CAMTA1: variants seen among roughly 807,000 people sequenced by gnomAD.
CAMTA1 encodes calmodulin binding transcription activator 1.
Under a neutral mutation model 170.9 loss-of-function variants are expected in CAMTA1, and 27 were observed. The observed-to-expected ratio is 0.16, with a 90% CI of 0.12 to 0.22. CAMTA1 has a LOEUF of 0.22. Ranked by LOEUF, CAMTA1 falls within the 10% of genes least tolerant of loss-of-function variation. The probability of loss-of-function intolerance (pLI) is 1.00; values close to 1 mark genes in which losing one functional copy is unlikely to be tolerated. For synonymous variants in CAMTA1, 833 were observed against 891.5 expected, an observed-to-expected ratio of 0.93 and a Z score of 1.17; for missense variants, 1,619 against 2,217.2, an observed-to-expected ratio of 0.73 and a Z score of 5.42.
At position 7,477,194 on chromosome 1, in the gene CAMTA1, C is replaced by T. The variant is rs958243063; in HGVS notation, c.510+9293C>T. On this transcript the variant is annotated intron_variant, in intron 6 of 22. Coordinates refer to ENST00000303635, the MANE Select transcript of CAMTA1 (RefSeq NM_015215.4). The stretch of plus-strand genomic sequence containing the variant: ...GCGGGCCAGGGATAGAAACCCAGCC[C>T]TGGTCTTAGAAGCCGCCTCGAAAGC... 2.6e-5 allele frequency among the ~76,000 whole-genome samples: 4 copies of T among 152,148 alleles called. 1 individual carries two copies. Among genetic ancestry groups the T allele is most frequent in the Admixed American group, 2.0e-4 (3 of 15,282 alleles).
chr1:7,049,116 C>T (rs1333613961), intron 3 of CAMTA1, among the ~76,000 whole-genome samples: 2 of 152,198 alleles, frequency 1.3e-5, no homozygotes, highest in Non-Finnish European at 2.9e-5. Context: ...AGCCATTCTC[C>T]GGACTGCGAG....
intron 4 of CAMTA1, among the ~76,000 whole-genome samples, chr1:7,159,721 T>A (rs12094021): frequency 0.33 from 50,006 of 151,668 alleles, 8,670 homozygotes; most frequent in African/African-American, 0.44. Flanking sequence ...TTAAAAAAAA[T>A]TTTTTTTGTA....
intron 11 of CAMTA1, among the ~76,000 whole-genome samples, chr1:7,724,818 CAAAAAAAAAA>C (rs960235639): frequency 1.2e-5 from 1 of 85,332 alleles, no homozygotes; most frequent in African/African-American, 4.5e-5. Context: ...GCGAGACTCT[CAAAAAAAAAA>C]AAAAAAAAAG....
At chr1:6,940,929 A>AGGGGATCCTCGGG (rs1491340105) in intron 3 of CAMTA1, among the ~76,000 whole-genome samples, 2 of 7,336 alleles carry the variant, frequency 2.7e-4, no homozygotes, top group Non-Finnish European at 6.4e-4. Flanking sequence ...CCTCACAGGG[A>AGGGGATCCTCGGG]AAGGGGATCC....
chr1:7,684,579 T>C (rs1249702008), intron 11 of CAMTA1, among the ~76,000 whole-genome samples: 4 of 152,176 alleles, frequency 2.6e-5, no homozygotes, highest in Non-Finnish European at 5.9e-5. Context: ...AGAACCCCAG[T>C]CTCTGCCTGC....
chr1:7,628,855 G>T (rs919745138), intron 6 of CAMTA1, among the ~76,000 whole-genome samples: 1 of 152,228 alleles, frequency 6.6e-6, no homozygotes, highest in Non-Finnish European at 1.5e-5. Flanking sequence ...GGCTGGTGAG[G>T]AGGCCATGTG....
At chr1:7,148,434 G>A (rs34421477) in intron 4 of CAMTA1, among the ~76,000 whole-genome samples, 94,741 of 147,532 alleles carry the variant, frequency 0.64, 29,758 homozygotes, top group Middle Eastern at 0.78. Flanking sequence ...CTCCCCCCCC[G>A]CCACGCTCCC....
intron 6 of CAMTA1, among the ~76,000 whole-genome samples, chr1:7,489,428 T>C (rs17030993): frequency 0.13 from 19,818 of 152,166 alleles, 1,455 homozygotes; most frequent in African/African-American, 0.18. Flanking sequence ...AGAAGATGTG[T>C]GCCATTGGCA....
intron 1 of CAMTA1, among the ~76,000 whole-genome samples, chr1:6,801,252 T>C (rs1054926676): frequency 1.1e-4 from 16 of 152,176 alleles, no homozygotes; most frequent in Admixed American, 2.0e-4. Context: ...TGTATGAGTG[T>C]TTTCTGATGC....
chr1:7,138,364 G>A (rs1645665030), intron 4 of CAMTA1, among the ~76,000 whole-genome samples: 1 of 152,144 alleles, frequency 6.6e-6, no homozygotes, highest in Non-Finnish European at 1.5e-5. Context: ...CCACAGTGTA[G>A]CATTGGCATT....
chr1:7,734,604 T>C (rs1225423966), intron 12 of CAMTA1, among the ~76,000 whole-genome samples: 1 of 152,190 alleles, frequency 6.6e-6, no homozygotes, highest in African/African-American at 2.4e-5. Flanking sequence ...GAATGTGTCT[T>C]GTGTGTGTAG....
chr1:7,290,561 T>G (rs1345784868), intron 5 of CAMTA1, among the ~76,000 whole-genome samples: 1 of 152,176 alleles, frequency 6.6e-6, no homozygotes, highest in Non-Finnish European at 1.5e-5. Context: ...TTCCAAATTA[T>G]GTGTTGCAAC....
At chr1:7,377,464 G>C (rs1254617100) in intron 5 of CAMTA1, among the ~76,000 whole-genome samples, 1 of 152,186 alleles carries the variant, frequency 6.6e-6, no homozygotes, top group Non-Finnish European at 1.5e-5. Context: ...TCAGGCCCCA[G>C]ATATTCTCCA....
chr1:7,155,394 G>GA (rs56357953), intron 4 of CAMTA1, among the ~76,000 whole-genome samples: 1 of 151,824 alleles, frequency 6.6e-6, no homozygotes, highest in African/African-American at 2.4e-5. Context: ...CGTTGGGGGG[G>GA]GGATTGGGCA....
chr1:7,747,512 AGTT>A (rs2096865336), intron 18 of CAMTA1, among the ~76,000 whole-genome samples, 195 bp from the exon 19 acceptor site: 1 of 152,260 alleles, frequency 6.6e-6, no homozygotes, highest in Admixed American at 6.5e-5. Context: ...CCAATATCAT[AGTT>A]TTATTTAGAA....
At position 7,249,653 on chromosome 1, in the gene CAMTA1, T is replaced by G. The variant is rs763001865; in HGVS notation, c.438+27T>G. 2 of 1,610,944 alleles carry G rather than the reference T, an allele frequency of 1.2e-6. No individual in the cohort carries two copies. Among genetic ancestry groups the G allele is most frequent in the South Asian group, 2.2e-5 (2 of 90,524 alleles). ...TAAACAGCAGAAAAGGTTCCCTTGGTGCACAAATGTCATTTGCAGGCTGCA... is the reference window on the plus strand; with the variant it reads ...TAAACAGCAGAAAAGGTTCCCTTGGGGCACAAATGTCATTTGCAGGCTGCA... On this transcript the variant is annotated intron_variant, in intron 5 of 22. Coordinates refer to ENST00000303635, the MANE Select transcript of CAMTA1 (RefSeq NM_015215.4). This position sits in a 1 kb window ranked among gnomAD's most constrained non-coding sequence, Gnocchi z 4.4.
intron 5 of CAMTA1, among the ~76,000 whole-genome samples, chr1:7,316,864 G>A (rs961506958): frequency 4.0e-4 from 61 of 152,122 alleles, no homozygotes; most frequent in Admixed American, 2.0e-3. Flanking sequence ...GAAACTTGAG[G>A]GTGAGTTAGG....
At chr1:7,277,538 A>C (rs12740683) in intron 5 of CAMTA1, among the ~76,000 whole-genome samples, 148,596 of 151,598 alleles carry the variant, frequency 0.98, 72,840 homozygotes, top group East Asian at 1. Flanking sequence ...TTTTGAATTA[A>C]CTTACAGATA....
intron 4 of CAMTA1, among the ~76,000 whole-genome samples, chr1:7,177,775 C>T (rs561075877): frequency 1.3e-4 from 19 of 151,422 alleles, no homozygotes; most frequent in South Asian, 6.3e-4. Context: ...GCCCACACGC[C>T]AAGGCTCCTC....
Sources: gnomAD v4.1 joint callset for allele counts (sites outside exome capture counted in the v4.1 genomes callset) on GRCh38, gnomAD v4.1.1 for gene constraint, Gnocchi (gnomAD v3.1) non-coding constraint, MANE v1.5 for transcripts, NCBI Gene and HGNC (gene_info 2026-07-23, HGNC 2026-07-21) for gene names.